WNT2B: variants seen among roughly 807,000 people sequenced by gnomAD.
The protein encoded by WNT2B is protein Wnt-2b.
WNT2B carries 19 observed loss-of-function variants against 40.5 expected under a neutral mutation model. The ratio of observed to expected loss-of-function variants is 0.47; its 90% CI spans 0.33 to 0.69. WNT2B has a LOEUF of 0.69. WNT2B is among the 30% of genes least tolerant of loss of function. The pLI is 0.02. For missense variants in WNT2B, 467 were observed against 556.4 expected, an observed-to-expected ratio of 0.84 and a Z score of 1.62; for synonymous variants, 220 against 211.9, an observed-to-expected ratio of 1.04 and a Z score of -0.33.
intron 1 of WNT2B, among the ~76,000 whole-genome samples, chr1:112,479,123 A>G (rs1651140203): frequency 6.6e-6 from 1 of 152,160 alleles, no homozygotes; most frequent in South Asian, 2.1e-4. Flanking sequence ...CAGGAGGCTG[A>G]GGCAGGAGAA....
intron 1 of WNT2B, among the ~76,000 whole-genome samples, chr1:112,473,482 C>A (rs1021215048): frequency 1.3e-5 from 2 of 151,868 alleles, no homozygotes; most frequent in African/African-American, 4.8e-5. Flanking sequence ...CAACAGATTA[C>A]ACATTGTGGA....
chr1:112,490,350 G>A (rs1037457487), intron 1 of WNT2B, among the ~76,000 whole-genome samples: 2 of 152,226 alleles, frequency 1.3e-5, no homozygotes, highest in African/African-American at 2.4e-5. Flanking sequence ...TTCTGAGAGA[G>A]AAGCTGAGAG....
rs1225582274 is a variant in WNT2B, at chr1:112,524,166, ACAC to A, written c.*3660_*3662del. The A allele has an allele frequency of 6.6e-6, 1 of 152,584 alleles. No individual in the cohort carries two copies. Among genetic ancestry groups the A allele is most frequent in the Non-Finnish European group, 1.5e-5 (1 of 68,036 alleles). 9.5% of individuals were successfully genotyped at this position (152,584 alleles called of 1,614,324 possible). Reference sequence around the variant, plus strand: ...CTTTGTCTCACTTCCCTTATCAAGAACACCAACCAGTAAGTCTTTGCCAAATTC... The same window carrying A: ...CTTTGTCTCACTTCCCTTATCAAGAACAACCAGTAAGTCTTTGCCAAATTC... On this transcript the variant is annotated 3_prime_UTR_variant, in exon 5 of 5. Transcript: ENST00000369684.
Position 112,486,335 on chromosome 1 carries a change from C to T in WNT2B, c.-95+18744C>T, listed in dbSNP as rs147708601. ...TTAAGTGCCTGTAGTCCCAGTTATTCAGGAGTCTGATGTGGGAGGTTGGCT... is the reference window on the plus strand; with the variant it reads ...TTAAGTGCCTGTAGTCCCAGTTATTTAGGAGTCTGATGTGGGAGGTTGGCT... On this transcript the variant is annotated intron_variant, in intron 1 of 4. Coordinates refer to the WNT2B transcript ENST00000256640. Among the ~76,000 whole-genome samples, 75 of 152,156 alleles carry T rather than the reference C, an allele frequency of 4.9e-4. 2 individuals carry two copies. The East Asian group carries it at 0.013, about 27-fold the overall frequency.
chr1:112,512,237 T>C (rs1652380027), intron 1 of WNT2B, among the ~76,000 whole-genome samples: 1 of 152,158 alleles, frequency 6.6e-6, no homozygotes, highest in African/African-American at 2.4e-5. Context: ...ATCAGAACAG[T>C]TAGGTGTTTA....
intron 1 of WNT2B, among the ~76,000 whole-genome samples, chr1:112,511,731 G>T (rs190996836): frequency 6.6e-6 from 1 of 152,216 alleles, no homozygotes; most frequent in Non-Finnish European, 1.5e-5. Context: ...GGGGTTGGAT[G>T]TAGGGAATCA....
chr1:112,514,588 G>T (rs1248583211), intron 1 of WNT2B, among the ~76,000 whole-genome samples: 1 of 152,216 alleles, frequency 6.6e-6, no homozygotes, highest in Non-Finnish European at 1.5e-5. Flanking sequence ...CTGTGTATGT[G>T]ACACATGCCT....
At chr1:112,503,278 T>A (rs373057557) in intron 1 of WNT2B, among the ~76,000 whole-genome samples, 1 of 152,040 alleles carries the variant, frequency 6.6e-6, no homozygotes, top group East Asian at 1.9e-4. Context: ...AGGAACTAGA[T>A]CTCTACCCTA....
In WNT2B at chr1:112,479,394, T is replaced by C. The variant is rs1013301044; in HGVS notation, c.-95+11803T>C. Among the ~76,000 whole-genome samples, 14 of 151,578 alleles carry C rather than the reference T, an allele frequency of 9.2e-5. No homozygotes were observed. The East Asian group carries it at 2.2e-3, about 23-fold the overall frequency. Reference sequence around the variant, plus strand: ...TTTGAGACCAGCCTGGCCAACATGGTGAAACCCCGTCTCTACTAAAAATAC... The same window carrying C: ...TTTGAGACCAGCCTGGCCAACATGGCGAAACCCCGTCTCTACTAAAAATAC... On this transcript the variant is annotated intron_variant, in intron 1 of 4. Transcript: ENST00000256640.
intron 4 of WNT2B, 116 bp from the exon 5 acceptor site, chr1:112,520,164 C>A: frequency 9.9e-7 from 1 of 1,013,526 alleles, no homozygotes; most frequent in Non-Finnish European, 1.5e-6. Flanking sequence ...GAGTGAGCCA[C>A]TGTGCCCAGC....
Position 112,525,847 on chromosome 1 carries a change from T to G in WNT2B, c.*5338T>G. The G allele has an allele frequency of 1.1e-6, 1 of 882,384 alleles. No individual in the cohort carries two copies. The highest frequency in any genetic ancestry group is 1.7e-5 in the African/African-American group (1 of 60,018). 54.7% of individuals were successfully genotyped at this position (882,384 alleles called of 1,614,324 possible). ...CTTTTTGACAGCTTCCAAGGGGGGT[T>G]TGCCTAGGAATAACAATATTCATAA... On this transcript the variant is annotated 3_prime_UTR_variant, in exon 5 of 5. Transcript: ENST00000369684.
At chr1:112,503,541 A>G (rs892695004) in intron 1 of WNT2B, among the ~76,000 whole-genome samples, 2 of 152,176 alleles carry the variant, frequency 1.3e-5, no homozygotes, top group African/African-American at 4.8e-5. Context: ...ACACACCCAC[A>G]TGCACAGAGA....
intron 1 of WNT2B, among the ~76,000 whole-genome samples, chr1:112,470,939 G>C (rs1049442226): frequency 9.2e-5 from 14 of 152,334 alleles, no homozygotes; most frequent in African/African-American, 3.4e-4. Context: ...TGTCCCAGGG[G>C]CTTCCTCCTT....
intron 1 of WNT2B, among the ~76,000 whole-genome samples, chr1:112,474,364 G>A (rs1298946328): frequency 6.6e-6 from 1 of 151,986 alleles, no homozygotes; most frequent in African/African-American, 2.4e-5. Flanking sequence ...TAGCCAGGAT[G>A]GTCTCAATCT....
chr1:112,497,456 C>A (rs1003546168), intron 1 of WNT2B, among the ~76,000 whole-genome samples: 1 of 152,218 alleles, frequency 6.6e-6, no homozygotes, highest in Non-Finnish European at 1.5e-5. Context: ...GCACCTAGAC[C>A]CACATAGCAA....
At position 112,508,975 on chromosome 1, in the gene WNT2B, C is replaced by G; in HGVS notation, c.-288C>G. ...CCGAAGGGGCTGTCCGCACACTAGG[C>G]CCGCAGCTCCCTTCAGCGCCGCAGA... On this transcript the variant is annotated 5_prime_UTR_variant, in exon 1 of 5. Transcript: ENST00000369684. This position sits in a 1 kb window ranked among gnomAD's most constrained non-coding sequence, Gnocchi z 4.2. The G allele has an allele frequency of 7.8e-7, 1 of 1,277,154 alleles. No homozygotes were observed. Among genetic ancestry groups the G allele is most frequent in the Non-Finnish European group, 9.8e-7 (1 of 1,016,082 alleles). 79.1% of individuals were successfully genotyped at this position (1,277,154 alleles called of 1,614,324 possible).
intron 1 of WNT2B, among the ~76,000 whole-genome samples, chr1:112,511,780 G>C (rs1001075868): frequency 2.0e-5 from 3 of 152,218 alleles, no homozygotes; most frequent in African/African-American, 7.2e-5. Flanking sequence ...CAAAGGGAGA[G>C]AAACACAAAG....
At chr1:112,504,773 AC>A, upstream of WNT2B, among the ~76,000 whole-genome samples, 1 of 150,150 alleles carries the variant, frequency 6.7e-6, no homozygotes, top group East Asian at 2.0e-4. Context: ...TCCCATCCAA[AC>A]CTCCCCCCAG....
chr1:112,511,239 TAGGG>T lies in WNT2B; in HGVS notation c.182+1815_182+1818del, dbSNP rs941826971. The stretch of plus-strand genomic sequence containing the variant: ...TGGAAAAATTCCTGGGTGAAAGAGC[TAGGG>T]AGGGAGGGAGGGAGGGAGGTGACAC... On this transcript the variant is annotated intron_variant, in intron 1 of 4. Coordinates refer to ENST00000369684, the MANE Select transcript of WNT2B (RefSeq NM_024494.3). Among the ~76,000 whole-genome samples, 9 of 150,572 alleles carry T rather than the reference TAGGG, an allele frequency of 6.0e-5. No individual in the cohort carries two copies. In the South Asian group the frequency reaches 8.4e-4, roughly 14 times the overall value.
Sources: gnomAD v4.1 joint callset for allele counts (sites outside exome capture counted in the v4.1 genomes callset) on GRCh38, gnomAD v4.1.1 for gene constraint, Gnocchi (gnomAD v3.1) non-coding constraint, MANE v1.5 for transcripts, NCBI Gene and HGNC (gene_info 2026-07-23, HGNC 2026-07-21) for gene names.